The following CYP46A1 variants were observed in gnomAD, a reference collection of about 807,000 sequenced individuals.
CYP46A1 encodes cholesterol 24-hydroxylase.
CYP46A1 carries 20 observed loss-of-function variants against 63.3 expected under a neutral mutation model. That is an observed-to-expected ratio of 0.32 (90% CI 0.22 to 0.46). The LOEUF is 0.46. CYP46A1 is among the 20% of genes least tolerant of loss of function. The pLI, the probability that CYP46A1 is intolerant of heterozygous loss-of-function variation, is 1.00. For missense variants in CYP46A1, 445 were observed against 670.8 expected (o/e 0.66, Z 3.72); for synonymous variants, 268 against 273.6 (o/e 0.98, Z 0.20).
intron 12 of CYP46A1, among the ~76,000 whole-genome samples, chr14:99,724,971 T>C (rs1287665308): frequency 1.3e-5 from 2 of 152,154 alleles, no homozygotes; most frequent in Non-Finnish European, 2.9e-5. Context: ...GAAGAGAAAC[T>C]GAATATAACA....
At chr14:99,702,688 G>A (rs1467432221) in intron 5 of CYP46A1, among the ~76,000 whole-genome samples, 2 of 151,852 alleles carry the variant, frequency 1.3e-5, no homozygotes, top group African/African-American at 4.8e-5. Context: ...ATCACTGTGT[G>A]TATATACATA....
intron 5 of CYP46A1, among the ~76,000 whole-genome samples, chr14:99,703,172 C>G (rs2056646772): frequency 6.6e-6 from 1 of 152,196 alleles, no homozygotes; most frequent in Non-Finnish European, 1.5e-5. Flanking sequence ...GAGGCACATG[C>G]TACTGATTTG....
intron 3 of CYP46A1, among the ~76,000 whole-genome samples, chr14:99,692,099 G>A (rs979536178): frequency 6.6e-6 from 1 of 152,194 alleles, no homozygotes; most frequent in African/African-American, 2.4e-5. Context: ...CCCCATTTGG[G>A]TTGGAAGTTT....
intron 3 of CYP46A1, among the ~76,000 whole-genome samples, chr14:99,695,221 C>G (rs920979281): frequency 2.3e-4 from 35 of 152,168 alleles, no homozygotes; most frequent in Non-Finnish European, 4.4e-5. Context: ...TATGGTTCAT[C>G]AAAGTGAATG....
At chr14:99,689,685 G>C (rs1429140689) in intron 1 of CYP46A1, among the ~76,000 whole-genome samples, 5 of 152,196 alleles carry the variant, frequency 3.3e-5, no homozygotes, top group African/African-American at 1.2e-4. Flanking sequence ...GCACGTTCCA[G>C]TATTCCGCCT....
Position 99,687,931 on chromosome 14 carries a change from C to T in CYP46A1, c.120-3150C>T, listed in dbSNP as rs115877717. 7.2e-3 allele frequency among the ~76,000 whole-genome samples: 1,092 copies of T among 152,134 alleles called. 15 individuals are homozygous for T. The highest frequency in any genetic ancestry group is 0.025 in the African/African-American group (1,036 of 41,494). ...TGCTTGTTTTTAACACCTGGGTCTT[C>T]CTGTTCTGTTGTCGCCTCCCCAGCG... On this transcript the variant is annotated intron_variant, in intron 1 of 14. Coordinates refer to ENST00000261835, the MANE Select transcript of CYP46A1 (RefSeq NM_006668.2).
intron 5 of CYP46A1, chr14:99,706,251 C>T: frequency 6.0e-6 from 1 of 166,476 alleles, no homozygotes; most frequent in Non-Finnish European, 1.3e-5. Flanking sequence ...CAGGGCAGGG[C>T]AGGTAAGGAG....
intron 1 of CYP46A1, 103 bp from the exon 2 acceptor site, chr14:99,690,978 G>A: frequency 9.0e-7 from 1 of 1,108,616 alleles, no homozygotes; most frequent in South Asian, 1.3e-5. Flanking sequence ...CCATGCCTCG[G>A]TCCTCCTGTC....
chr14:99,710,630 C>T (rs1439684589), intron 7 of CYP46A1: 1 of 152,070 alleles, frequency 6.6e-6, no homozygotes, highest in Non-Finnish European at 1.5e-5. Context: ...AGATAAAATA[C>T]TTCTAAATAT....
intron 3 of CYP46A1, among the ~76,000 whole-genome samples, chr14:99,696,014 T>A (rs1427252573): frequency 6.6e-6 from 1 of 152,198 alleles, no homozygotes; most frequent in Non-Finnish European, 1.5e-5. Context: ...CATTTTTATA[T>A]TTAAAATGGG....
At chr14:99,690,108 C>T (rs1016342964) in intron 1 of CYP46A1, among the ~76,000 whole-genome samples, 8 of 152,322 alleles carry the variant, frequency 5.3e-5, no homozygotes, top group East Asian at 1.9e-4. Context: ...GCTCTTCCCC[C>T]GCTTCTTGCA....
At chr14:99,691,415 T>TG (rs1262081802) in intron 2 of CYP46A1, 38 of 585,582 alleles carry the variant, frequency 6.5e-5, no homozygotes, top group African/African-American at 2.2e-4. Context: ...GTAAACTGGG[T>TG]GGGGGGGTGT....
At chr14:99,716,108 TG>T in intron 8 of CYP46A1, 28 bp from the exon 9 acceptor site, 1 of 1,614,052 alleles carries the variant, frequency 6.2e-7, no homozygotes, top group Non-Finnish European at 8.5e-7. Flanking sequence ...AAAGATTTGC[TG>T]GGAACTGAGA....
chr14:99,691,308 C>T (rs1225653540), intron 2 of CYP46A1, 147 bp downstream of exon 2: 3 of 760,722 alleles, frequency 3.9e-6, no homozygotes, highest in Non-Finnish European at 6.7e-6. Context: ...TGAGTGGAGG[C>T]AGGTGAGGCT....
In CYP46A1 at chr14:99,726,379, C is replaced by T. The variant is rs73350469; in HGVS notation, c.1332+123C>T. ...GCTGGGCTGTGGGCTCGGGACCCAG[C>T]GGAGCCAGACCCAGAGGACTGGCTG... On this transcript the variant is annotated intron_variant, in intron 14 of 14. Coordinates refer to ENST00000261835, the MANE Select transcript of CYP46A1 (RefSeq NM_006668.2). 6.9e-3 allele frequency: 7,987 copies of T among 1,156,890 alleles called. 269 individuals are homozygous for T. The African/African-American group carries it at 0.089, about 13-fold the overall frequency. The allele number at this position is 1,156,890 out of a possible 1,614,324, so 71.7% of individuals were successfully genotyped here. A position where few individuals can be genotyped will look rare whatever the true frequency, so the allele number is the denominator to read the frequency against.
chr14:99,721,163 T>C (rs2056842916), intron 10 of CYP46A1, 76 bp from the exon 11 acceptor site: 2 of 1,013,110 alleles, frequency 2.0e-6, no homozygotes, highest in Non-Finnish European at 3.2e-6. Context: ...TTCCTTCCAG[T>C]GCCCCCTTCT....
At position 99,691,086 on chromosome 14, in the gene CYP46A1, T is replaced by G; in HGVS notation, c.125T>G (p.Leu42Arg). The G allele has an allele frequency of 6.2e-7, 1 of 1,614,162 alleles. No homozygotes were observed. The highest frequency in any genetic ancestry group is 8.5e-7 in the Non-Finnish European group (1 of 1,180,012). ...HIPGPPRPSFLLGHLPCFWKK... is the reference protein window; with the variant it reads ...HIPGPPRPSFRLGHLPCFWKK... ...ATGTTTCCTGTTTCTTCTAGTTTCC[T>G]TCTAGGACACCTCCCCTGCTTTTGG... is the stretch of plus-strand genomic sequence containing the variant. Residue 42 changes from leucine to arginine, a missense_variant, in exon 2 of 15, where the codon CTT becomes CGT. Around this residue, in one of 4 missense-constraint regions of CYP46A1, gnomAD observed 252 missense variants for 383.3 expected, o/e 0.66. Transcript: ENST00000261835.
intron 5 of CYP46A1, among the ~76,000 whole-genome samples, chr14:99,701,696 C>T (rs922265470): frequency 1.3e-5 from 2 of 152,186 alleles, no homozygotes; most frequent in Non-Finnish European, 2.9e-5. Flanking sequence ...TTAAAGTGTA[C>T]GATTCAATGG....
chr14:99,713,621 G>A (rs890184360), intron 7 of CYP46A1, among the ~76,000 whole-genome samples: 12 of 151,968 alleles, frequency 7.9e-5, no homozygotes, highest in East Asian at 5.8e-4. Context: ...GCTCATGCCC[G>A]TAATCCCAGC....
Sources: allele counts gnomAD v4.1 joint callset (sites outside exome capture counted in the v4.1 genomes callset), GRCh38; gene constraint gnomAD v4.1.1; regional missense constraint gnomAD v4.1.1; transcripts MANE v1.5; gene names NCBI Gene and HGNC (gene_info 2026-07-23, HGNC 2026-07-21).